MBOAT2: variants seen among roughly 807,000 people sequenced by gnomAD.
The protein encoded by MBOAT2 is membrane-bound glycerophospholipid O-acyltransferase 2.
Under a neutral mutation model 63.4 loss-of-function variants are expected in MBOAT2, and 28 were observed. The observed-to-expected ratio is 0.44, with a 90% CI of 0.33 to 0.61. The LOEUF is 0.61. Ranked by LOEUF, MBOAT2 falls within the 20% of genes least tolerant of loss-of-function variation. The probability of loss-of-function intolerance (pLI) is 0.03; values close to 1 mark genes in which losing one functional copy is unlikely to be tolerated. For missense variants in MBOAT2, 470 were observed against 605.8 expected (o/e 0.78, Z 2.35); for synonymous variants, 211 against 215.6 (o/e 0.98, Z 0.19).
At chr2:8,944,984 G>A (rs985980600) in intron 2 of MBOAT2, among the ~76,000 whole-genome samples, 3 of 151,860 alleles carry the variant, frequency 2.0e-5, no homozygotes, top group African/African-American at 7.3e-5. Flanking sequence ...GGACTCTTGG[G>A]GGAAAAAAGT....
intron 2 of MBOAT2, among the ~76,000 whole-genome samples, chr2:8,954,504 C>A (rs935798369): frequency 6.6e-6 from 1 of 152,134 alleles, no homozygotes; most frequent in African/African-American, 2.4e-5. Context: ...GGGCAGCCAC[C>A]GAGAATGCAG....
intron 9 of MBOAT2, among the ~76,000 whole-genome samples, chr2:8,865,788 G>C (rs1383673864): frequency 6.6e-6 from 1 of 152,200 alleles, no homozygotes; most frequent in Non-Finnish European, 1.5e-5. Context: ...AGTAATCCCA[G>C]CCCTTTGGGA....
At chr2:8,885,968 T>C (rs1572963983) in intron 5 of MBOAT2, among the ~76,000 whole-genome samples, 2 of 152,178 alleles carry the variant, frequency 1.3e-5, no homozygotes, top group Non-Finnish European at 2.9e-5. Context: ...CCACGGCTGG[T>C]GTATGAGAAC....
intron 1 of MBOAT2, among the ~76,000 whole-genome samples, chr2:8,965,673 G>A (rs781466489): frequency 2.6e-5 from 4 of 152,066 alleles, no homozygotes; most frequent in Non-Finnish European, 4.4e-5. Flanking sequence ...TAGAACACGA[G>A]AAAGGAGTTT....
chr2:8,984,864 C>T (rs1671447442), intron 1 of MBOAT2, among the ~76,000 whole-genome samples: 1 of 152,068 alleles, frequency 6.6e-6, no homozygotes, highest in South Asian at 2.1e-4. Flanking sequence ...ATCTTCATTA[C>T]CAAAACAGGA....
chr2:8,976,373 A>G (rs1167565044), intron 1 of MBOAT2, among the ~76,000 whole-genome samples: 2 of 152,134 alleles, frequency 1.3e-5, no homozygotes, highest in Non-Finnish European at 2.9e-5. Context: ...TATGAAATTA[A>G]AAGGTACTAG....
chr2:8,932,128 T>TA (rs139442125), intron 3 of MBOAT2, among the ~76,000 whole-genome samples: 1,873 of 152,304 alleles, frequency 0.012, 41 homozygotes, highest in African/African-American at 0.043. Context: ...TTTAATAAGC[T>TA]AGCAACAAGT....
chr2:8,882,405 GAAGT>G lies in MBOAT2; in HGVS notation c.506+102_506+105del, dbSNP rs1663205344. ...TGGAGAGAGTGAGGCTTGATTTTCA[GAAGT>G]AAGTACCTCTAGAAGGACTAGTCAG... On this transcript the variant is annotated intron_variant, in intron 6 of 12. Coordinates refer to ENST00000305997, the MANE Select transcript of MBOAT2 (RefSeq NM_138799.4). 3.6e-6 allele frequency: 4 copies of G among 1,115,706 alleles called. No individual in the cohort carries two copies. The South Asian group carries it at 4.0e-5, about 11-fold the overall frequency. The allele number at this position is 1,115,706 out of a possible 1,614,324, so 69.1% of individuals were successfully genotyped here.
chr2:8,995,792 C>T (rs371854446), intron 1 of MBOAT2, among the ~76,000 whole-genome samples: 26 of 152,166 alleles, frequency 1.7e-4, no homozygotes, highest in South Asian at 4.2e-4. Context: ...GGGGTTTCAC[C>T]GTGTTAGCCA....
intron 1 of MBOAT2, among the ~76,000 whole-genome samples, chr2:8,968,932 G>A (rs1336743412): frequency 6.6e-6 from 1 of 152,152 alleles, no homozygotes; most frequent in African/African-American, 2.4e-5. Flanking sequence ...CGGGGAGAAT[G>A]GAACCAAGTG....
intron 8 of MBOAT2, among the ~76,000 whole-genome samples, chr2:8,870,851 A>G (rs1177572057): frequency 6.6e-6 from 1 of 152,234 alleles, no homozygotes; most frequent in African/African-American, 2.4e-5. Context: ...AATCAGGGAA[A>G]AGGAATTAAC....
chr2:8,994,874 A>G (rs1418076066), intron 1 of MBOAT2, among the ~76,000 whole-genome samples: 1 of 152,242 alleles, frequency 6.6e-6, no homozygotes, highest in Non-Finnish European at 1.5e-5. Flanking sequence ...GAAACAGCTT[A>G]ATCAAAGGCA....
chr2:8,862,460 G>C lies in MBOAT2; in HGVS notation c.1185+130C>G. On this transcript the variant is annotated intron_variant, in intron 11 of 12. Transcript: ENST00000305997. This position sits in a 1 kb window ranked among gnomAD's most constrained non-coding sequence, Gnocchi z 4.3. ...CAAACATGCACGCAGTACACACCTC[G>C]CTTCTAGTGGAAAGGACAATACTGA... 7.5e-7 allele frequency: 1 copy of C among 1,330,838 alleles called. No individual in the cohort carries two copies. Among genetic ancestry groups the C allele is most frequent in the Non-Finnish European group, 1.0e-6 (1 of 969,384 alleles). 82.4% of individuals were successfully genotyped at this position (1,330,838 alleles called of 1,614,324 possible).
intron 1 of MBOAT2, among the ~76,000 whole-genome samples, chr2:8,995,740 G>A (rs570358721): frequency 4.6e-5 from 7 of 151,998 alleles, no homozygotes; most frequent in East Asian, 1.9e-4. Flanking sequence ...ACGGGCACCC[G>A]CCACCATGCC....
chr2:8,871,469 AAC>A (rs980457779), intron 8 of MBOAT2, among the ~76,000 whole-genome samples: 8 of 152,230 alleles, frequency 5.3e-5, no homozygotes, highest in Non-Finnish European at 8.8e-5. Context: ...CGATTCAACC[AAC>A]AGGTCAGAAT....
chr2:8,884,910 T>G (rs1216724558), intron 5 of MBOAT2, among the ~76,000 whole-genome samples: 1 of 152,208 alleles, frequency 6.6e-6, no homozygotes, highest in Non-Finnish European at 1.5e-5. Context: ...TATCATTTTT[T>G]AAAGCTAGAA....
At chr2:8,942,220 C>T (rs1015958615) in intron 3 of MBOAT2, among the ~76,000 whole-genome samples, 5 of 152,070 alleles carry the variant, frequency 3.3e-5, no homozygotes, top group African/African-American at 4.8e-5. Flanking sequence ...GTGCCAAATA[C>T]GGAAAATGCA....
chr2:8,976,927 C>G (rs1255997545), intron 1 of MBOAT2, among the ~76,000 whole-genome samples: 1 of 152,098 alleles, frequency 6.6e-6, no homozygotes, highest in Non-Finnish European at 1.5e-5. Context: ...TCCAAGAAGC[C>G]AGAAAGAGAG....
intron 1 of MBOAT2, among the ~76,000 whole-genome samples, chr2:8,961,236 G>A (rs1320650375): frequency 1.3e-5 from 2 of 152,128 alleles, no homozygotes; most frequent in Non-Finnish European, 1.5e-5. Context: ...CATAAGTAAC[G>A]AAGTGTGAAA....
Sources: gnomAD v4.1 joint callset for allele counts (sites outside exome capture counted in the v4.1 genomes callset) on GRCh38, gnomAD v4.1.1 for gene constraint, Gnocchi (gnomAD v3.1) non-coding constraint, MANE v1.5 for transcripts, NCBI Gene and HGNC (gene_info 2026-07-23, HGNC 2026-07-21) for gene names.